MYRIP: variants seen among roughly 807,000 people sequenced by gnomAD.
The protein encoded by MYRIP is rab effector MyRIP.
A neutral mutation model predicts 98.0 loss-of-function variants in MYRIP; 49 were observed. The ratio of observed to expected loss-of-function variants is 0.50; its 90% CI spans 0.40 to 0.63. The LOEUF is 0.63. MYRIP is among the 30% of genes least tolerant of loss of function. MYRIP has a pLI of 0.00. For missense variants in MYRIP, 1,004 were observed against 1,058.2 expected (o/e 0.95, Z 0.71); for synonymous variants, 404 against 409.5 (o/e 0.99, Z 0.16).
intron 3 of MYRIP, among the ~76,000 whole-genome samples, chr3:40,066,047 G>C (rs1338747428): frequency 1.3e-5 from 2 of 152,198 alleles, no homozygotes; most frequent in Non-Finnish European, 2.9e-5. Flanking sequence ...CTGTGACGAA[G>C]AAGGACCCCA....
chr3:39,856,673 GC>G (rs1456418279), intron 1 of MYRIP, among the ~76,000 whole-genome samples: 1 of 152,148 alleles, frequency 6.6e-6, no homozygotes, highest in Non-Finnish European at 1.5e-5. Context: ...CAGCAGCCCT[GC>G]CCTATTAGAT....
At chr3:40,222,995 A>G (rs190758384) in intron 11 of MYRIP, among the ~76,000 whole-genome samples, 323 of 152,308 alleles carry the variant, frequency 2.1e-3, no homozygotes, top group Middle Eastern at 6.8e-3. Context: ...AAATCTACAT[A>G]TGAATTTCAA....
chr3:40,078,452 G>C (rs1948404376), intron 3 of MYRIP, among the ~76,000 whole-genome samples: 1 of 152,232 alleles, frequency 6.6e-6, no homozygotes, highest in Non-Finnish European at 1.5e-5. Flanking sequence ...AGCGAGGGCT[G>C]TGAGGACTGC....
intron 3 of MYRIP, among the ~76,000 whole-genome samples, chr3:40,098,822 G>A (rs1460724240): frequency 3.7e-5 from 5 of 133,736 alleles, no homozygotes; most frequent in Admixed American, 1.6e-4. Flanking sequence ...GAAATATCTG[G>A]GATTATTATT....
chr3:40,178,123 T>C (rs772973001), intron 8 of MYRIP, among the ~76,000 whole-genome samples: 10 of 152,346 alleles, frequency 6.6e-5, no homozygotes, highest in Admixed American at 3.9e-4. Flanking sequence ...ATTCTTTCCC[T>C]GTTTTTTACT....
intron 2 of MYRIP, among the ~76,000 whole-genome samples, chr3:40,039,356 G>A (rs922253668): frequency 2.0e-5 from 3 of 152,144 alleles, no homozygotes; most frequent in African/African-American, 7.2e-5. Flanking sequence ...CTTTTAAAAA[G>A]TCAGAATAGG....
At chr3:40,254,270 GC>G (rs1953496095) in intron 16 of MYRIP, among the ~76,000 whole-genome samples, 1 of 152,148 alleles carries the variant, frequency 6.6e-6, no homozygotes, top group Admixed American at 6.5e-5. Flanking sequence ...GAAAGGGCAG[GC>G]TATTGAGAAG....
intron 3 of MYRIP, among the ~76,000 whole-genome samples, chr3:40,127,312 G>T (rs1476037058): frequency 6.6e-6 from 1 of 152,092 alleles, no homozygotes; most frequent in Non-Finnish European, 1.5e-5. Context: ...ATTTTTGCAG[G>T]TAAGGAACAG....
At chr3:40,183,220 C>T (rs1443057196) in intron 9 of MYRIP, among the ~76,000 whole-genome samples, 1 of 152,212 alleles carries the variant, frequency 6.6e-6, no homozygotes, top group African/African-American at 2.4e-5. Context: ...AAATGGCATC[C>T]TGGCTGGGCA....
At chr3:39,905,599 T>C (rs1230054270) in intron 2 of MYRIP, among the ~76,000 whole-genome samples, 1 of 152,198 alleles carries the variant, frequency 6.6e-6, no homozygotes, top group Non-Finnish European at 1.5e-5. Flanking sequence ...CTTTACCTCC[T>C]TCTGCCCTGT....
At chr3:40,148,873 T>A (rs1950061450) in intron 3 of MYRIP, among the ~76,000 whole-genome samples, 1 of 152,168 alleles carries the variant, frequency 6.6e-6, no homozygotes, top group Admixed American at 6.5e-5. Context: ...TGCCATTGGG[T>A]AGATAAATAT....
intron 2 of MYRIP, among the ~76,000 whole-genome samples, chr3:40,038,441 T>C (rs1947432147): frequency 6.6e-6 from 1 of 152,118 alleles, no homozygotes. Context: ...ATAAACCATG[T>C]AGACAACCGT....
chr3:40,063,924 A>G (rs568842224), intron 3 of MYRIP, among the ~76,000 whole-genome samples: 2 of 152,276 alleles, frequency 1.3e-5, no homozygotes, highest in South Asian at 4.1e-4. Context: ...GAGCAACAAC[A>G]TGACAAGTGT....
At chr3:40,092,186 C>G (rs1948746690) in intron 3 of MYRIP, among the ~76,000 whole-genome samples, 1 of 152,196 alleles carries the variant, frequency 6.6e-6, no homozygotes, top group Non-Finnish European at 1.5e-5. Context: ...AGCTCCAAGT[C>G]AGCCCTTGAG....
In MYRIP at chr3:40,023,144, G is replaced by A. The variant is rs575807568; in HGVS notation, c.111-20906G>A. ...AAACATGAATTAATCTGAAGAGAAA[G>A]CCAGGTGGCTTTGAGGGAGTCACTG... On this transcript the variant is annotated intron_variant, in intron 2 of 16. Coordinates refer to ENST00000302541, the MANE Select transcript of MYRIP (RefSeq NM_015460.4). Among the ~76,000 whole-genome samples, 40 of 152,290 alleles carry A rather than the reference G, an allele frequency of 2.6e-4. 1 individual carries two copies. The highest frequency in any genetic ancestry group is 8.8e-5 in the Non-Finnish European group (6 of 68,024).
intron 2 of MYRIP, among the ~76,000 whole-genome samples, chr3:40,023,968 AG>A (rs1449433744): frequency 6.6e-6 from 1 of 152,170 alleles, no homozygotes; most frequent in Non-Finnish European, 1.5e-5. Context: ...ATAAAGATTT[AG>A]GGCACAGTTT....
At chr3:40,240,828 G>C (rs1030994451) in intron 12 of MYRIP, among the ~76,000 whole-genome samples, 1 of 152,132 alleles carries the variant, frequency 6.6e-6, no homozygotes, top group East Asian at 1.9e-4. Flanking sequence ...GTACCTATTG[G>C]GGTCTGGCTG....
At chr3:40,094,317 T>A (rs1948783459) in intron 3 of MYRIP, among the ~76,000 whole-genome samples, 1 of 150,996 alleles carries the variant, frequency 6.6e-6, no homozygotes, top group Non-Finnish European at 1.5e-5. Context: ...CTTTTGCAAG[T>A]GAATAAATGG....
intron 11 of MYRIP, 49 bp downstream of exon 11, chr3:40,210,142 G>T: frequency 6.3e-7 from 1 of 1,584,692 alleles, no homozygotes; most frequent in Non-Finnish European, 8.6e-7. Flanking sequence ...CTGCAGTGGG[G>T]TGTTGGAGAA....
Sources: gnomAD v4.1 joint callset for allele counts (sites outside exome capture counted in the v4.1 genomes callset) on GRCh38, gnomAD v4.1.1 for gene constraint, MANE v1.5 for transcripts, NCBI Gene and HGNC (gene_info 2026-07-23, HGNC 2026-07-21) for gene names.